Variants in IGFL2 observed in about 807,000 individuals in gnomAD.
IGFL2 encodes insulin growth factor-like family member 2.
A neutral mutation model predicts 13.9 loss-of-function variants in IGFL2; 7 were observed. The ratio of observed to expected loss-of-function variants is 0.51; its 90% CI spans 0.29 to 0.95. IGFL2 has a LOEUF of 0.95. Among genes scored for constraint, IGFL2 ranks in the 40% least tolerant of loss-of-function variants. The pLI is 0.08. For missense variants in IGFL2, 138 were observed against 147.8 expected (o/e 0.93, Z 0.34); for synonymous variants, 55 against 55.8 (o/e 0.99, Z 0.07).
the IGFL2 span, among the ~76,000 whole-genome samples, chr19:46,204,378 TGA>T: frequency 3.9e-5 from 6 of 152,150 alleles, no homozygotes; most frequent in South Asian, 2.1e-4. Context: ...ATGGTGTCTG[TGA>T]CCTGCAGGGG....
chr19:46,137,309 C>T, the IGFL2 span: 155 of 1,055,406 alleles, frequency 1.5e-4, 2 homozygotes, highest in African/African-American at 1.2e-3. Context: ...TTATCTCCTT[C>T]GTAGGCTCAT....
At chr19:46,111,159 TAGATC>T in the IGFL2 span, 1 of 152,730 alleles carries the variant, frequency 6.5e-6, no homozygotes, top group Non-Finnish European at 1.5e-5. Flanking sequence ...ATCCAGTTCT[TAGATC>T]AGACATATGT....
the IGFL2 span, among the ~76,000 whole-genome samples, chr19:46,181,699 G>A: frequency 6.6e-6 from 1 of 152,226 alleles, no homozygotes; most frequent in Non-Finnish European, 1.5e-5. Flanking sequence ...CCTGTCAAAG[G>A]ATCCTTAAAA....
At chr19:46,085,576 T>C in the IGFL2 span, among the ~76,000 whole-genome samples, 2 of 151,548 alleles carry the variant, frequency 1.3e-5, no homozygotes, top group African/African-American at 4.9e-5. Flanking sequence ...CTTCTTTATC[T>C]AACATGCTCC....
At chr19:46,172,749 G>A in the IGFL2 span, among the ~76,000 whole-genome samples, 3 of 151,902 alleles carry the variant, frequency 2.0e-5, no homozygotes, top group African/African-American at 2.4e-5. Flanking sequence ...ACAAGGTCTC[G>A]CTCTGTCATG....
At chr19:46,179,535 G>T in the IGFL2 span, 1 of 152,576 alleles carries the variant, frequency 6.6e-6, no homozygotes, top group Non-Finnish European at 1.5e-5. Context: ...CTTCACATCG[G>T]GTCTGATGAA....
chr19:46,094,453 C>T, the IGFL2 span, among the ~76,000 whole-genome samples: 1 of 152,116 alleles, frequency 6.6e-6, no homozygotes, highest in Non-Finnish European at 1.5e-5. Flanking sequence ...GTCTCCATTA[C>T]CTCACCCCAA....
chr19:46,092,381 A>G, the IGFL2 span, among the ~76,000 whole-genome samples: 6 of 151,932 alleles, frequency 3.9e-5, no homozygotes, highest in Middle Eastern at 6.8e-3. Context: ...CTGTAATCCC[A>G]GCACGTTGGG....
the IGFL2 span, among the ~76,000 whole-genome samples, chr19:46,206,215 C>G: frequency 8.5e-5 from 13 of 152,168 alleles, no homozygotes; most frequent in African/African-American, 3.1e-4. Context: ...TCATCATCAC[C>G]CACTGCTGTT....
Position 46,158,254 on chromosome 19 carries a change from C to G in IGFL2, c.20-2161C>G, listed in dbSNP as rs570805809. ...ACAGAGTGTCACTCTGTCACCTAGA[C>G]AGGAGTGCAGTGGCGCGATCTTGGC... On this transcript the variant is annotated intron_variant, in intron 1 of 3. Transcript: ENST00000377693. 2.0e-5 allele frequency among the ~76,000 whole-genome samples: 3 copies of G among 152,230 alleles called. No individual in the cohort carries two copies. In the East Asian group the frequency reaches 5.8e-4, roughly 29 times the overall value.
At chr19:46,129,196 C>A in the IGFL2 span, among the ~76,000 whole-genome samples, 2 of 151,972 alleles carry the variant, frequency 1.3e-5, no homozygotes, top group Non-Finnish European at 2.9e-5. Flanking sequence ...TCCCCCTTTA[C>A]ATTTCTAATG....
At chr19:46,214,899 A>G in the IGFL2 span, 1 of 150,782 alleles carries the variant, frequency 6.6e-6, no homozygotes, top group African/African-American at 2.5e-5. Context: ...GCGCGCACAC[A>G]CACACACACA....
chr19:46,160,838 A>T lies in IGFL2; in HGVS notation c.298A>T (p.Asn100Tyr), dbSNP rs778514184. Residue 100 changes from asparagine to tyrosine, a missense_variant, in exon 3 of 4, where the codon AAT becomes TAT. Coordinates refer to ENST00000377693, the MANE Select transcript of IGFL2 (RefSeq NM_001135113.2). ...FVVKLKVQGV[N>Y]SQCHSSPISS... ...TGTGAAGCTGAAGGTTCAGGGTGTGAATTCCCAGTGCCACTCATCTCCCAT... is the reference window on the plus strand; with the variant it reads ...TGTGAAGCTGAAGGTTCAGGGTGTGTATTCCCAGTGCCACTCATCTCCCAT... The T allele has an allele frequency of 6.2e-7, 1 of 1,613,914 alleles. No homozygotes were observed. The highest frequency in any genetic ancestry group is 8.5e-7 in the Non-Finnish European group (1 of 1,179,878).
the IGFL2 span, among the ~76,000 whole-genome samples, chr19:46,206,243 C>A: frequency 6.6e-6 from 1 of 152,170 alleles, no homozygotes; most frequent in African/African-American, 2.4e-5. Context: ...CCCAGCCTGA[C>A]TCAGCTGCCC....
At chr19:46,114,963 C>G in the IGFL2 span, among the ~76,000 whole-genome samples, 1 of 152,126 alleles carries the variant, frequency 6.6e-6, no homozygotes, top group African/African-American at 2.4e-5. Flanking sequence ...CCTAGTGGCT[C>G]TCATGCATAC....
chr19:46,191,938 C>A, the IGFL2 span, among the ~76,000 whole-genome samples: 3 of 152,092 alleles, frequency 2.0e-5, no homozygotes, highest in South Asian at 2.1e-4. Context: ...TCATACTTTT[C>A]TTCTTGGCAT....
At chr19:46,125,257 C>T in the IGFL2 span, among the ~76,000 whole-genome samples, 2 of 152,134 alleles carry the variant, frequency 1.3e-5, no homozygotes, top group South Asian at 2.1e-4. Flanking sequence ...TAGCAATGGC[C>T]CAAATCTCCT....
At chr19:46,091,105 C>G in the IGFL2 span, among the ~76,000 whole-genome samples, 1 of 152,174 alleles carries the variant, frequency 6.6e-6, no homozygotes, top group Non-Finnish European at 1.5e-5. Context: ...GTTTCCTTAG[C>G]TCTTTTGAAG....
chr19:46,178,483 A>G, the IGFL2 span, among the ~76,000 whole-genome samples: 764 of 152,322 alleles, frequency 5.0e-3, 9 homozygotes, highest in African/African-American at 0.018. Context: ...GAAATTTACA[A>G]CTGTACAGAA....
Sources: gnomAD v4.1 joint callset for allele counts (sites outside exome capture counted in the v4.1 genomes callset) on GRCh38, gnomAD v4.1.1 for gene constraint, MANE v1.5 for transcripts, NCBI Gene and HGNC (gene_info 2026-07-23, HGNC 2026-07-21) for gene names.